The following RRP1B variants were observed in gnomAD, a reference collection of about 807,000 sequenced individuals.
The protein encoded by RRP1B is ribosomal RNA processing 1B.
In RRP1B, 56 loss-of-function variants were observed where a neutral mutation model predicts 80.2. The ratio of observed to expected loss-of-function variants is 0.70; its 90% confidence interval spans 0.56 to 0.87. RRP1B has a LOEUF of 0.87. Ranked by LOEUF, RRP1B falls within the 40% of genes least tolerant of loss-of-function variation. The pLI, the probability that RRP1B is intolerant of heterozygous loss-of-function variation, is 0.00. For synonymous variants in RRP1B, 351 were observed against 357.6 expected, an observed-to-expected ratio of 0.98 and a Z score of 0.21; for missense variants, 807 against 939.8, an observed-to-expected ratio of 0.86 and a Z score of 1.85.
chr21:43,688,209 T>C lies in RRP1B; in HGVS notation c.1835T>C (p.Leu612Pro), dbSNP rs145250007. Residue 612 changes from leucine (L) to proline (P), a missense_variant, in exon 13 of 16, where the codon CTG (leucine) becomes CCG (proline). Leu to Pro is a moderately conservative substitution (Grantham distance 98). Transcript: ENST00000340648. ...MSNLVEHNGV[L>P]ESEAGQPQAL... ...AACTTGGTGGAGCACAACGGGGTGC[T>C]GGAGTCCGAAGCTGGGCAACCCCAG... 1 of 1,570,510 alleles carries C rather than the reference T, an allele frequency of 6.4e-7. No individual in the cohort carries two copies. Among genetic ancestry groups the C allele is most frequent in the Non-Finnish European group, 8.6e-7 (1 of 1,156,744 alleles).
intron 5 of RRP1B, 82 bp downstream of exon 5, chr21:43,674,779 G>A: frequency 1.6e-6 from 2 of 1,265,332 alleles, no homozygotes; most frequent in Non-Finnish European, 2.3e-6. Flanking sequence ...AACTTGTAGA[G>A]TACCAATGAG....
chr21:43,688,418 A>G (rs1192790804), intron 13 of RRP1B, among the ~76,000 whole-genome samples, 178 bp downstream of exon 13: 2 of 152,238 alleles, frequency 1.3e-5, no homozygotes, highest in African/African-American at 4.8e-5. Flanking sequence ...ACAGGTGACC[A>G]GTACTTCGGT....
chr21:43,690,110 C>T (rs1405635215), intron 13 of RRP1B, among the ~76,000 whole-genome samples, 178 bp from the exon 14 acceptor site: 6 of 152,258 alleles, frequency 3.9e-5, no homozygotes, highest in Non-Finnish European at 5.9e-5. Context: ...TCGTGTTGTG[C>T]GTGAAGCCTG....
chr21:43,659,596 G>T lies in RRP1B; in HGVS notation c.-69G>T, dbSNP rs913143813. On this transcript the variant is annotated 5_prime_UTR_variant, in exon 1 of 16. Coordinates refer to ENST00000340648, the MANE Select transcript of RRP1B (RefSeq NM_015056.3). The surrounding 1 kb of genome is among the most constrained non-coding windows in gnomAD (Gnocchi z 4.2). ...CGGCCCGGGCGGACGGTGGCTGGCT[G>T]CTCCGCAGCGCTCGGCTGGCTGCAG... 3 of 1,327,490 alleles carry T rather than the reference G, an allele frequency of 2.3e-6. No homozygotes were observed. Among genetic ancestry groups the T allele is most frequent in the Non-Finnish European group, 2.9e-6 (3 of 1,040,468 alleles). 82.2% of individuals were successfully genotyped at this position (1,327,490 alleles called of 1,614,324 possible). A position where few individuals can be genotyped will look rare whatever the true frequency, so the allele number is the denominator to read the frequency against.
chr21:43,678,595 T>A (rs1002505913), intron 8 of RRP1B, among the ~76,000 whole-genome samples: 1 of 152,242 alleles, frequency 6.6e-6, no homozygotes, highest in Non-Finnish European at 1.5e-5. Flanking sequence ...AACTGTCTGT[T>A]CATTTCCTTA....
intron 8 of RRP1B, among the ~76,000 whole-genome samples, chr21:43,678,326 A>AT (rs933399001): frequency 9.2e-5 from 14 of 151,944 alleles, no homozygotes; most frequent in Admixed American, 3.3e-4. Context: ...GGCCCAGCTA[A>AT]TTTTTTGCAT....
chr21:43,676,462 C>A, intron 7 of RRP1B, 126 bp downstream of exon 7: 1 of 777,004 alleles, frequency 1.3e-6, no homozygotes, highest in Non-Finnish European at 2.1e-6. Context: ...CTGGAGAAGA[C>A]AGCCGAAGCT....
Position 43,676,254 on chromosome 21 carries a change from C to T in RRP1B, c.550-18C>T, listed in dbSNP as rs758415335. 3.4e-5 allele frequency: 54 copies of T among 1,585,966 alleles called. No homozygotes were observed. Among genetic ancestry groups the T allele is most frequent in the Non-Finnish European group, 4.5e-5 (52 of 1,160,448 alleles). On this transcript the variant is annotated intron_variant, in intron 6 of 15. Coordinates refer to ENST00000340648, the MANE Select transcript of RRP1B (RefSeq NM_015056.3). The stretch of plus-strand genomic sequence containing the variant: ...GGGAAAGGCTCTTTCTCAATTTTTC[C>T]CTTTTTCTAAATTACAGCTTTTAGC...
chr21:43,681,187 G>A (rs1466501655), intron 8 of RRP1B, among the ~76,000 whole-genome samples: 1 of 151,986 alleles, frequency 6.6e-6, no homozygotes, highest in Non-Finnish European at 1.5e-5. Context: ...AGGCTGAAGT[G>A]AGCCAAGATC....
chr21:43,693,176 C>G lies in RRP1B; in HGVS notation c.2084-14C>G. 6.2e-7 allele frequency: 1 copy of G among 1,613,516 alleles called. No individual in the cohort carries two copies. Among genetic ancestry groups the G allele is most frequent in the Non-Finnish European group, 8.5e-7 (1 of 1,179,814 alleles). ...GACCCACTTAATATGGGGCCTTGCT[C>G]TCATTTGGGACAGAATTCAAGAAGA... On this transcript the variant is annotated splice_polypyrimidine_tract_variant and intron_variant, in intron 15 of 15. Transcript: ENST00000340648. This position sits in a 1 kb window ranked among gnomAD's most constrained non-coding sequence, Gnocchi z 4.1.
chr21:43,660,581 A>G (rs943086688), intron 1 of RRP1B, among the ~76,000 whole-genome samples: 1 of 152,078 alleles, frequency 6.6e-6, no homozygotes, highest in Non-Finnish European at 1.5e-5. Flanking sequence ...AAGAAAAGAA[A>G]AAAGGAAAAA....
intron 6 of RRP1B, 116 bp from the exon 7 acceptor site, chr21:43,676,156 A>G: frequency 1.4e-6 from 1 of 720,036 alleles, no homozygotes; most frequent in Non-Finnish European, 2.3e-6. Flanking sequence ...GCTGTGTGAG[A>G]CAGGCATTGC....
intron 13 of RRP1B, 88 bp from the exon 14 acceptor site, chr21:43,690,200 G>A (rs1193541467): frequency 6.7e-7 from 1 of 1,488,706 alleles, no homozygotes; most frequent in East Asian, 2.3e-5. Flanking sequence ...TCTGCCTGGG[G>A]CTCTGCCTTC....
chr21:43,673,814 A>T, intron 3 of RRP1B, 56 bp from the exon 4 acceptor site: 1 of 1,054,784 alleles, frequency 9.5e-7, no homozygotes, highest in Non-Finnish European at 1.5e-6. Context: ...TTTTCTTGCT[A>T]TATGGTAGTA....
chr21:43,687,126 C>T (rs1044350322), intron 12 of RRP1B, among the ~76,000 whole-genome samples, 191 bp downstream of exon 12: 7 of 152,156 alleles, frequency 4.6e-5, no homozygotes, highest in Non-Finnish European at 8.8e-5. Context: ...CGCGTCCCCA[C>T]CTCACCCCGC....
intron 10 of RRP1B, among the ~76,000 whole-genome samples, chr21:43,685,165 C>T (rs1039480335): frequency 1.3e-5 from 2 of 152,156 alleles, no homozygotes; most frequent in Admixed American, 6.5e-5. Flanking sequence ...CTCTAGGAGC[C>T]GGGCACTGCT....
Position 43,675,024 on chromosome 21 carries a change from G to T in RRP1B, c.420-10G>T. ...CTGTCATTCACAGAAGCATGCGTTTGGTTCTTTAGCCGAATCAAGGTTTTC... is the reference window on the plus strand; with the variant it reads ...CTGTCATTCACAGAAGCATGCGTTTTGTTCTTTAGCCGAATCAAGGTTTTC... On this transcript the variant is annotated splice_polypyrimidine_tract_variant and intron_variant, in intron 5 of 15. Transcript: ENST00000340648. 6.2e-7 allele frequency: 1 copy of T among 1,613,698 alleles called. No individual in the cohort carries two copies. Among genetic ancestry groups the T allele is most frequent in the Non-Finnish European group, 8.5e-7 (1 of 1,179,816 alleles).
rs2147180045 is a variant in RRP1B, at chr21:43,693,369, A to G, written c.2263A>G (p.Met755Val). 6.3e-7 allele frequency: 1 copy of G among 1,582,310 alleles called. No homozygotes were observed. The highest frequency in any genetic ancestry group is 8.6e-7 in the Non-Finnish European group (1 of 1,165,094). ...CACACCAAGGAGAAGGCCCAGGGCTATGGATTTCTTCTGAGGAGCAGCAGA... is the reference window on the plus strand; with the variant it reads ...CACACCAAGGAGAAGGCCCAGGGCTGTGGATTTCTTCTGAGGAGCAGCAGA... ...TTTPRRRPRA[M>V]DFF The change falls in exon 16 of 16, where the codon ATG (methionine) becomes GTG (valine). Residue 755 changes from methionine (M) to valine (V), a missense_variant. Coordinates refer to ENST00000340648, the MANE Select transcript of RRP1B (RefSeq NM_015056.3). This position sits in a 1 kb window ranked among gnomAD's most constrained non-coding sequence, Gnocchi z 4.1.
intron 2 of RRP1B, among the ~76,000 whole-genome samples, chr21:43,671,024 A>C (rs570379129): frequency 1.3e-5 from 2 of 152,328 alleles, no homozygotes; most frequent in South Asian, 4.1e-4. Context: ...GAGGAAGAAA[A>C]CCAATGGACA....
Sources: gnomAD v4.1 joint callset for allele counts (sites outside exome capture counted in the v4.1 genomes callset) on GRCh38, gnomAD v4.1.1 for gene constraint, Gnocchi (gnomAD v3.1) non-coding constraint, MANE v1.5 for transcripts, NCBI Gene and HGNC (gene_info 2026-07-23, HGNC 2026-07-21) for gene names.